FBXO3: variants seen among roughly 807,000 people sequenced by gnomAD.
FBXO3 encodes the protein F-box protein 3.
Under a neutral mutation model 64.8 loss-of-function variants are expected in FBXO3, and 17 were observed. The observed-to-expected ratio is 0.26, with a 90% CI of 0.18 to 0.39. The LOEUF is 0.39. Among genes scored for constraint, FBXO3 ranks in the 10% least tolerant of loss-of-function variants. FBXO3 has a pLI of 1.00. For missense variants in FBXO3, 420 were observed against 589.9 expected (o/e 0.71, Z 2.98); for synonymous variants, 182 against 201.6 (o/e 0.90, Z 0.82).
chr11:33,756,464 A>G (rs1855100522), intron 4 of FBXO3, among the ~76,000 whole-genome samples: 1 of 152,214 alleles, frequency 6.6e-6, no homozygotes, highest in Non-Finnish European at 1.5e-5. Context: ...CTCATTAAAT[A>G]TATATATAGC....
intron 8 of FBXO3, among the ~76,000 whole-genome samples, chr11:33,749,693 T>C (rs760926191): frequency 5.9e-5 from 9 of 152,218 alleles, no homozygotes; most frequent in Non-Finnish European, 1.3e-4. Flanking sequence ...TGTTTCCCAA[T>C]GCTATCACTT....
At chr11:33,746,906 A>C in intron 10 of FBXO3, 1 of 1,424,288 alleles carries the variant, frequency 7.0e-7, no homozygotes, top group African/African-American at 1.4e-5. Context: ...ACAGTGAAAA[A>C]CAAGTTGAAT....
At chr11:33,757,515 T>TA (rs35494216) in intron 4 of FBXO3, among the ~76,000 whole-genome samples, 15,305 of 97,184 alleles carry the variant, frequency 0.16, 1,806 homozygotes, top group African/African-American at 0.34. Context: ...AAACAAATCT[T>TA]AAAAAAAAAA....
intron 3 of FBXO3, among the ~76,000 whole-genome samples, chr11:33,760,168 T>C (rs1855208250): frequency 1.3e-5 from 2 of 152,162 alleles, no homozygotes; most frequent in African/African-American, 4.8e-5. Context: ...CAAACGATGA[T>C]TCAGAAGCAC....
chr11:33,754,662 G>GAGTCA (rs1289195264), intron 5 of FBXO3, among the ~76,000 whole-genome samples, 162 bp from the exon 6 acceptor site: 1 of 152,118 alleles, frequency 6.6e-6, no homozygotes, highest in African/African-American at 2.4e-5. Flanking sequence ...TTCTGAATCA[G>GAGTCA]AGTCAAGAGA....
chr11:33,761,715 C>G (rs995698284), intron 3 of FBXO3, among the ~76,000 whole-genome samples: 1 of 152,180 alleles, frequency 6.6e-6, no homozygotes, highest in African/African-American at 2.4e-5. Flanking sequence ...AGTATGGCAT[C>G]AACTGGGGCT....
chr11:33,758,397 G>T, intron 4 of FBXO3, 90 bp downstream of exon 4: 1 of 863,404 alleles, frequency 1.2e-6, no homozygotes, highest in Non-Finnish European at 1.7e-6. Flanking sequence ...TCTTTAATTT[G>T]TTAAGGGTAA....
chr11:33,755,940 C>T lies in FBXO3; in HGVS notation c.509G>A (p.Arg170His). Residue 170 changes from arginine (R) to histidine (H), a missense_variant, in exon 5 of 11, where the codon CGT becomes CAT. Transcript: ENST00000265651. ...LGSMALSNHY[R>H]SEDLLDVDTA... Reference sequence around the variant, plus strand: ...ATCGACGTCTAACAAATCTTCAGAACGATAGTGATTAGACAGTGCCATGCT... The same window carrying T: ...ATCGACGTCTAACAAATCTTCAGAATGATAGTGATTAGACAGTGCCATGCT... The T allele has an allele frequency of 1.9e-6, 3 of 1,614,090 alleles. No homozygotes were observed. The highest frequency in any genetic ancestry group is 1.7e-6 in the Non-Finnish European group (2 of 1,179,998).
intron 1 of FBXO3, chr11:33,771,293 A>G (rs1855504498): frequency 6.6e-6 from 1 of 152,302 alleles, no homozygotes; most frequent in South Asian, 2.1e-4. Context: ...ACTTAAAGGA[A>G]AAAAGTATTG....
intron 4 of FBXO3, chr11:33,756,950 C>T (rs1326861934): frequency 1.9e-6 from 1 of 514,554 alleles, no homozygotes; most frequent in Non-Finnish European, 3.9e-6. Context: ...CCAGGTTGGT[C>T]TTGAACTCCT....
intron 2 of FBXO3, 152 bp downstream of exon 2, chr11:33,770,589 C>A (rs571483285): frequency 1.3e-4 from 82 of 612,518 alleles, no homozygotes; most frequent in African/African-American, 1.2e-3. Flanking sequence ...AAGGACAGAA[C>A]CTTGGCAAAT....
chr11:33,747,070 A>T, intron 10 of FBXO3, 60 bp downstream of exon 10: 1 of 1,585,816 alleles, frequency 6.3e-7, no homozygotes, highest in Non-Finnish European at 8.5e-7. Flanking sequence ...TGCCTGGCTT[A>T]TCTGCAGTGT....
At chr11:33,762,821 C>T (rs2133614893) in intron 3 of FBXO3, among the ~76,000 whole-genome samples, 1 of 150,610 alleles carries the variant, frequency 6.6e-6, no homozygotes. Context: ...TTGGCAAAGG[C>T]AAAAGCCAGC....
chr11:33,749,438 G>A (rs1375451390), intron 8 of FBXO3, among the ~76,000 whole-genome samples: 8 of 149,484 alleles, frequency 5.4e-5, no homozygotes, highest in Non-Finnish European at 1.2e-4. Flanking sequence ...TGGGCTCACT[G>A]CAGCCTTGAC....
chr11:33,770,098 A>AT, intron 2 of FBXO3, among the ~76,000 whole-genome samples: 1 of 152,296 alleles, frequency 6.6e-6, no homozygotes, highest in South Asian at 2.1e-4. Context: ...GTATCTACTG[A>AT]TACCCCAAAG....
rs1404622889 is a variant in FBXO3, at chr11:33,774,288, TG to T, written c.104+105del. On this transcript the variant is annotated intron_variant, in intron 1 of 10. Transcript: ENST00000265651. Reference sequence around the variant, plus strand: ...GGGCGGCCCTGGCGTCACCTTCTGGTGTCGCGGAAGCTCGGGTCCTGTCAGC... The same window carrying T: ...GGGCGGCCCTGGCGTCACCTTCTGGTTCGCGGAAGCTCGGGTCCTGTCAGC... The T allele has an allele frequency of 1.3e-5, 13 of 972,600 alleles. No homozygotes were observed. The East Asian group carries it at 2.8e-4, about 21-fold the overall frequency. 60.2% of individuals were successfully genotyped at this position (972,600 alleles called of 1,614,324 possible).
intron 3 of FBXO3, among the ~76,000 whole-genome samples, chr11:33,765,994 A>G (rs942187315): frequency 1.3e-5 from 2 of 152,154 alleles, no homozygotes; most frequent in African/African-American, 4.8e-5. Flanking sequence ...ACATTTCTTT[A>G]TAGCAATGCA....
rs370192164 is a variant in FBXO3 at position 33,747,217 on chromosome 11, A to G, written c.1152T>C (p.Phe384=). Residue 384 remains phenylalanine (F), a synonymous_variant, in exon 10 of 11, where the codon TTT becomes TTC. Transcript: ENST00000265651. ...TAAAGATCTTGTCTTTAAAGTAAAG[A>G]AAATGGAAGGTATAATATCCTTCCA... ...GYMEGYYTFH[F]LYFKDKIFNV... is the part of the protein sequence containing the mutation. 5.0e-6 allele frequency: 8 copies of G among 1,612,160 alleles called. No homozygotes were observed. In the African/African-American group the frequency reaches 9.4e-5, roughly 19 times the overall value.
intron 9 of FBXO3, 108 bp from the exon 10 acceptor site, chr11:33,747,428 C>T: frequency 1.2e-6 from 1 of 849,524 alleles, no homozygotes; most frequent in Non-Finnish European, 1.8e-6. Context: ...ATAGTAAATG[C>T]ACAGTTAGAA....
Sources: allele counts gnomAD v4.1 joint callset (sites outside exome capture counted in the v4.1 genomes callset), GRCh38; gene constraint gnomAD v4.1.1; transcripts MANE v1.5; gene names NCBI Gene and HGNC (gene_info 2026-07-23, HGNC 2026-07-21).